Variants in STK3 observed in about 807,000 individuals in gnomAD.
The protein encoded by STK3 is serine/threonine kinase 3, also known as serine/threonine-protein kinase 3.
In STK3, 41 loss-of-function variants were observed where a neutral mutation model predicts 58.0. That is an observed-to-expected ratio of 0.71 (90% CI 0.55 to 0.92). STK3 has a LOEUF of 0.92. Among genes scored for constraint, STK3 ranks in the 40% least tolerant of loss-of-function variants. The probability of loss-of-function intolerance (pLI) is 0.00; values close to 1 mark genes in which losing one functional copy is unlikely to be tolerated. For missense variants in STK3, 479 were observed against 602.7 expected (o/e 0.79, Z 2.15); for synonymous variants, 170 against 191.0 (o/e 0.89, Z 0.91).
chr8:98,413,053 A>T (rs1043326064), intron 3 of STK3: 1 of 233,324 alleles, frequency 4.3e-6, no homozygotes, highest in Non-Finnish European at 8.4e-6. Context: ...TCACTCTGTC[A>T]CCCAGGTTGG....
intron 3 of STK3, among the ~76,000 whole-genome samples, chr8:98,423,140 A>C (rs1818192375): frequency 2.0e-5 from 3 of 152,240 alleles, no homozygotes. Context: ...AGACTCTGGC[A>C]GGCACAGAAT....
intron 1 of STK3, among the ~76,000 whole-genome samples, chr8:98,812,518 C>T (rs1834293154): frequency 6.6e-6 from 1 of 152,178 alleles, no homozygotes; most frequent in Non-Finnish European, 1.5e-5. Flanking sequence ...TACCATTTGA[C>T]CCAGCCATCC....
chr8:98,780,145 C>T (rs1831993314), intron 1 of STK3, among the ~76,000 whole-genome samples: 6 of 151,250 alleles, frequency 4.0e-5, no homozygotes. Flanking sequence ...TTATTGATTA[C>T]ATTATGGTAT....
At chr8:98,697,787 G>A (rs1822633775) in intron 6 of STK3, among the ~76,000 whole-genome samples, 2 of 152,168 alleles carry the variant, frequency 1.3e-5, no homozygotes, top group Admixed American at 6.5e-5. Context: ...GTTCCAAAAT[G>A]TGGTCAATTT....
intron 1 of STK3, among the ~76,000 whole-genome samples, chr8:98,911,552 C>T (rs1046166037): frequency 2.0e-5 from 3 of 152,006 alleles, no homozygotes; most frequent in Non-Finnish European, 4.4e-5. Flanking sequence ...CGCCACCATG[C>T]CTGGCTAATT....
chr8:98,611,375 C>T (rs1817183389), intron 6 of STK3, among the ~76,000 whole-genome samples: 1 of 151,740 alleles, frequency 6.6e-6, no homozygotes, highest in African/African-American at 2.4e-5. Flanking sequence ...ATACATACAT[C>T]AAAGTCTACA....
chr8:98,826,048 A>G (rs1345477165), upstream of STK3, among the ~76,000 whole-genome samples: 3 of 151,858 alleles, frequency 2.0e-5, no homozygotes, highest in Non-Finnish European at 4.4e-5. Context: ...GTGACCGGGA[A>G]AAGGAGAAGG....
chr8:98,352,685 A>G, the STK3 span, among the ~76,000 whole-genome samples: 1 of 152,218 alleles, frequency 6.6e-6, no homozygotes, highest in East Asian at 1.9e-4. Flanking sequence ...AACATTTTAA[A>G]AAGTCATCCA....
At chr8:98,390,737 T>G (rs1013037325), upstream of STK3, among the ~76,000 whole-genome samples, 7 of 152,144 alleles carry the variant, frequency 4.6e-5, no homozygotes, top group African/African-American at 1.7e-4. Context: ...CTATGGGTTT[T>G]TTCTCTGTTT....
chr8:98,524,006 G>T (rs924999304), intron 10 of STK3, among the ~76,000 whole-genome samples: 1 of 151,960 alleles, frequency 6.6e-6, no homozygotes, highest in African/African-American at 2.4e-5. Context: ...AAGATCTTTG[G>T]CCCATTTTGA....
At chr8:98,348,849 T>C in the STK3 span, among the ~76,000 whole-genome samples, 3 of 152,334 alleles carry the variant, frequency 2.0e-5, no homozygotes, top group South Asian at 6.2e-4. Context: ...ATTTTGGCAG[T>C]TTCTTACAAA....
intron 4 of STK3, among the ~76,000 whole-genome samples, chr8:98,710,331 A>G (rs1204580926): frequency 6.6e-6 from 1 of 152,190 alleles, no homozygotes; most frequent in Non-Finnish European, 1.5e-5. Flanking sequence ...CATGAGCTGA[A>G]GCAGGGCGGG....
intron 4 of STK3, among the ~76,000 whole-genome samples, chr8:98,741,999 T>C (rs563407625): frequency 1.7e-3 from 265 of 152,246 alleles, no homozygotes; most frequent in Middle Eastern, 0.01. Flanking sequence ...GATAAATTCC[T>C]CGACACATAC....
At chr8:98,809,584 C>T (rs1834093860) in intron 1 of STK3, among the ~76,000 whole-genome samples, 1 of 152,152 alleles carries the variant, frequency 6.6e-6, no homozygotes. Flanking sequence ...TGGAATCATA[C>T]AAATTTGTCC....
rs1215426959 is a variant in STK3, at chr8:98,800,952, C to T, written c.26+24563G>A. Among the ~76,000 whole-genome samples the T allele has an allele frequency of 4.6e-5, 7 of 152,220 alleles. No individual in the cohort carries two copies. Among genetic ancestry groups the T allele is most frequent in the Non-Finnish European group, 1.5e-5 (1 of 68,038 alleles). ...CCACGGCGTCCGGTCCCATAAACCGCCCAAGGGCTGAGGAGTGCAGGCGCA... is the reference window on the plus strand; with the variant it reads ...CCACGGCGTCCGGTCCCATAAACCGTCCAAGGGCTGAGGAGTGCAGGCGCA... On this transcript the variant is annotated intron_variant, in intron 1 of 10. Transcript: ENST00000419617. The surrounding 1 kb of genome is among the most constrained non-coding windows in gnomAD (Gnocchi z 4.8).
chr8:98,413,511 G>A, intron 3 of STK3: 1 of 634,882 alleles, frequency 1.6e-6, no homozygotes. Flanking sequence ...TGTGACACTA[G>A]TGACACTTAA....
chr8:98,427,727 C>G, intron 3 of STK3: 1 of 367,886 alleles, frequency 2.7e-6, no homozygotes, highest in Non-Finnish European at 4.9e-6. Flanking sequence ...AAGCGCCCAC[C>G]GAGACCCCTG....
intron 6 of STK3, among the ~76,000 whole-genome samples, chr8:98,628,692 C>T (rs996570515): frequency 9.9e-5 from 15 of 151,958 alleles, no homozygotes. Context: ...TTCCCAGCTA[C>T]TCAGGAGGCT....
the STK3 span, among the ~76,000 whole-genome samples, chr8:98,362,352 CT>C: frequency 1.3e-5 from 2 of 151,846 alleles, no homozygotes; most frequent in African/African-American, 2.4e-5. Flanking sequence ...GGCTGCAACA[CT>C]TTTTTTTGAG....
Sources: allele counts gnomAD v4.1 joint callset (sites outside exome capture counted in the v4.1 genomes callset), GRCh38; gene constraint gnomAD v4.1.1; non-coding constraint Gnocchi (gnomAD v3.1); transcripts MANE v1.5; gene names NCBI Gene and HGNC (gene_info 2026-07-23, HGNC 2026-07-21).